ABCC1: variants seen among roughly 807,000 people sequenced by gnomAD.
ABCC1 encodes the protein multidrug resistance-associated protein 1.
Under a neutral mutation model 172.9 loss-of-function variants are expected in ABCC1, and 83 were observed. The ratio of observed to expected loss-of-function variants is 0.48; its 90% CI spans 0.40 to 0.58. The LOEUF (loss-of-function observed/expected upper bound fraction) is 0.58. ABCC1 is among the 20% of genes least tolerant of loss of function. ABCC1 has a pLI of 0.00. For missense variants in ABCC1, 1,817 were observed against 2,002.7 expected (o/e 0.91, Z 1.77); for synonymous variants, 937 against 825.2 (o/e 1.14, Z -2.32).
intron 1 of ABCC1, among the ~76,000 whole-genome samples, chr16:15,977,461 C>T (rs1011510561): frequency 4.6e-5 from 7 of 152,060 alleles, no homozygotes; most frequent in African/African-American, 1.2e-4. Context: ...TTCTGGAACT[C>T]CTGGACCCAA....
intron 14 of ABCC1, among the ~76,000 whole-genome samples, chr16:16,072,046 T>C (rs576100692): frequency 2.6e-5 from 4 of 152,294 alleles, no homozygotes; most frequent in African/African-American, 9.6e-5. Flanking sequence ...ACCTTGATTC[T>C]ATTCTGGGCT....
intron 1 of ABCC1, among the ~76,000 whole-genome samples, chr16:15,969,216 C>G (rs2046314440): frequency 6.6e-6 from 1 of 152,040 alleles, no homozygotes; most frequent in Non-Finnish European, 1.5e-5. Flanking sequence ...AAAAACAAAA[C>G]AAAACATATA....
chr16:16,076,468 TC>T, intron 15 of ABCC1, 67 bp downstream of exon 15: 1 of 1,446,710 alleles, frequency 6.9e-7, no homozygotes, highest in South Asian at 1.3e-5. Flanking sequence ...AAACGTGGAT[TC>T]GAATTCCCAC....
intron 1 of ABCC1, among the ~76,000 whole-genome samples, chr16:16,006,518 T>C (rs1261258661): frequency 6.6e-6 from 1 of 151,916 alleles, no homozygotes; most frequent in Non-Finnish European, 1.5e-5. Context: ...TTTATGTATG[T>C]ATCTATGAAT....
intron 5 of ABCC1, among the ~76,000 whole-genome samples, chr16:16,022,465 A>G (rs1189008508): frequency 3.3e-5 from 5 of 152,140 alleles, no homozygotes; most frequent in Non-Finnish European, 7.3e-5. Flanking sequence ...CTTGTAGATA[A>G]GGGGATCAAG....
intron 1 of ABCC1, among the ~76,000 whole-genome samples, chr16:15,982,569 A>G (rs1363800383): frequency 1.3e-5 from 2 of 150,994 alleles, no homozygotes; most frequent in Non-Finnish European, 2.9e-5. Flanking sequence ...CTTCCATGAC[A>G]TGTGAGGATT....
At position 16,056,117 on chromosome 16, in the gene ABCC1, A is replaced by T. The variant is rs553226604; in HGVS notation, c.1499A>T (p.Asn500Ile). The T allele has an allele frequency of 1.2e-6, 2 of 1,614,140 alleles. No individual in the cohort carries two copies. Among genetic ancestry groups the T allele is most frequent in the South Asian group, 2.2e-5 (2 of 91,080 alleles). ...GTGGCCCACATGAAGAGCAAAGACA[A>T]TCGGATCAAGCTGATGAACGAAATT... is the stretch of plus-strand genomic sequence containing the variant. ...YQVAHMKSKD[N>I]RIKLMNEILN... Residue 500 changes from asparagine (N) to isoleucine (I), a missense_variant, in exon 12 of 31, where the codon AAT becomes ATT. Asn to Ile is a moderately radical substitution (Grantham distance 149). Coordinates refer to ENST00000399410, the MANE Select transcript of ABCC1 (RefSeq NM_004996.4).
chr16:15,995,928 G>A (rs2047039235), intron 1 of ABCC1, among the ~76,000 whole-genome samples: 1 of 150,936 alleles, frequency 6.6e-6, no homozygotes, highest in Non-Finnish European at 1.5e-5. Flanking sequence ...TCCTGCCTCG[G>A]TCCCCCAAAG....
intron 24 of ABCC1, among the ~76,000 whole-genome samples, chr16:16,124,333 G>GTGTGTGTGTGTGTGTGTGTA (rs2045314291): frequency 1.0e-5 from 1 of 98,180 alleles, no homozygotes; most frequent in Non-Finnish European, 2.1e-5. Flanking sequence ...GTGTGTGTGT[G>GTGTGTGTGTGTGTGTGTGTA]TGTGTGTGTG....
At chr16:16,007,358 G>T (rs183096850) in intron 1 of ABCC1, among the ~76,000 whole-genome samples, 14 of 152,122 alleles carry the variant, frequency 9.2e-5, no homozygotes, top group African/African-American at 2.7e-4. Flanking sequence ...CGCCTGAGTG[G>T]CTGGGAATAC....
At chr16:16,052,938 C>G (rs3743526) in intron 11 of ABCC1, 122 bp downstream of exon 11, 221,831 of 872,700 alleles carry the variant, frequency 0.25, 30,544 homozygotes, top group African/African-American at 0.36. Flanking sequence ...GCCAGTTGGA[C>G]TCACTTGGGG....
At chr16:16,083,746 C>G (rs577253315) in intron 17 of ABCC1, among the ~76,000 whole-genome samples, 3 of 152,208 alleles carry the variant, frequency 2.0e-5, no homozygotes, top group African/African-American at 7.2e-5. Context: ...AGAGCTTTTG[C>G]TGGGGACCGG....
In ABCC1 at chr16:16,000,500, G is replaced by T. The variant is rs373502367; in HGVS notation, c.49-7316G>T. 2.0e-5 allele frequency among the ~76,000 whole-genome samples: 3 copies of T among 152,102 alleles called. No homozygotes were observed. In the East Asian group the frequency reaches 5.8e-4, roughly 29 times the overall value. ...GAAGCTTGGAGAAATTAAGTGACTTGCCCAAGTTCACATGGGGTTAAGGCC... is the reference window on the plus strand; with the variant it reads ...GAAGCTTGGAGAAATTAAGTGACTTTCCCAAGTTCACATGGGGTTAAGGCC... On this transcript the variant is annotated intron_variant, in intron 1 of 30. Coordinates refer to ENST00000399410, the MANE Select transcript of ABCC1 (RefSeq NM_004996.4).
chr16:16,090,303 C>T, intron 18 of ABCC1, 102 bp from the exon 19 acceptor site: 1 of 1,285,884 alleles, frequency 7.8e-7, no homozygotes, highest in Non-Finnish European at 1.0e-6. Context: ...GTTTTGCCCA[C>T]CAGGTGTTCG....
In ABCC1 at chr16:16,115,219, C is replaced by G. The variant is rs2044805268; in HGVS notation, c.3390+143C>G. The G allele has an allele frequency of 1.5e-5, 14 of 949,244 alleles. 1 individual carries two copies. The highest frequency in any genetic ancestry group is 1.8e-5 in the Non-Finnish European group (12 of 673,860). The allele number at this position is 949,244 out of a possible 1,614,324, so 58.8% of individuals were successfully genotyped here. ...ATTTGTTTTTGTCAGTTTCGAATAC[C>G]TAAATTGTTTTTTTGCTCACAATAA... On this transcript the variant is annotated intron_variant, in intron 23 of 30. Coordinates refer to ENST00000399410, the MANE Select transcript of ABCC1 (RefSeq NM_004996.4).
intron 29 of ABCC1, among the ~76,000 whole-genome samples, chr16:16,137,001 T>G (rs2152167514): frequency 6.6e-6 from 1 of 152,214 alleles, no homozygotes. Context: ...GCTGTCTTGG[T>G]CTCTACCAGG....
chr16:15,969,899 C>T (rs895824304), intron 1 of ABCC1, among the ~76,000 whole-genome samples: 4 of 152,034 alleles, frequency 2.6e-5, no homozygotes, highest in African/African-American at 9.7e-5. Context: ...TGCTGGGAAT[C>T]GAGCGGTATA....
intron 16 of ABCC1, among the ~76,000 whole-genome samples, chr16:16,081,506 A>G (rs1161698209): frequency 6.6e-6 from 1 of 152,198 alleles, no homozygotes; most frequent in East Asian, 1.9e-4. Context: ...AGAAATGTAT[A>G]TAAAATATTT....
rs2046160535 is a variant in ABCC1 at position 16,142,500 on chromosome 16, A to C, written c.*1219A>C. The stretch of plus-strand genomic sequence containing the variant: ...TTAGATGTTAATTCTCTCCCTTGGC[A>C]TCCGGTTAGCCCCCCAGGGGGGGCA... On this transcript the variant is annotated 3_prime_UTR_variant, in exon 31 of 31. Transcript: ENST00000399410. 6.6e-6 allele frequency: 1 copy of C among 152,096 alleles called. No individual in the cohort carries two copies. The highest frequency in any genetic ancestry group is 2.1e-4 in the South Asian group (1 of 4,836). 9.4% of individuals were successfully genotyped at this position (152,096 alleles called of 1,614,324 possible).
Sources: gnomAD v4.1 joint callset for allele counts (sites outside exome capture counted in the v4.1 genomes callset) on GRCh38, gnomAD v4.1.1 for gene constraint, MANE v1.5 for transcripts, NCBI Gene and HGNC (gene_info 2026-07-23, HGNC 2026-07-21) for gene names.